Variants in YY1AP1 observed in about 807,000 individuals in gnomAD.
YY1AP1 encodes the protein YY1 associated protein 1, also known as YY1-associated protein 1.
Under a neutral mutation model 39.9 loss-of-function variants are expected in YY1AP1, and 43 were observed. That is an observed-to-expected ratio of 1.08 (90% CI 0.84 to 1.39). YY1AP1 has a LOEUF of 1.39. Among genes scored for constraint, YY1AP1 ranks in the 40% most tolerant of loss-of-function variants. The pLI, the probability that YY1AP1 is intolerant of heterozygous loss-of-function variation, is 0.00. For missense variants in YY1AP1, 813 were observed against 900.7 expected (o/e 0.90, Z 1.25); for synonymous variants, 292 against 331.3 (o/e 0.88, Z 1.29).
chr1:155,688,695 C>A lies in YY1AP1; in HGVS notation c.-188G>T. The A allele has an allele frequency of 6.6e-7, 1 of 1,525,750 alleles. No individual in the cohort carries two copies. The highest frequency in any genetic ancestry group is 1.2e-5 in the South Asian group (1 of 82,738). 94.5% of individuals were successfully genotyped at this position (1,525,750 alleles called of 1,614,324 possible). Reference sequence around the variant, plus strand: ...CGAGCCCAAGCCTTCTCCACCTCCTCTTCTCTCCTCCCCCTCCCTCCCCGC... The same window carrying A: ...CGAGCCCAAGCCTTCTCCACCTCCTATTCTCTCCTCCCCCTCCCTCCCCGC... On this transcript the variant is annotated 5_prime_UTR_variant, in exon 1 of 11. Coordinates refer to ENST00000355499, the MANE Select transcript of YY1AP1 (RefSeq NM_139119.3).
intron 4 of YY1AP1, 25 bp from the exon 5 acceptor site, chr1:155,676,771 T>C: frequency 6.2e-7 from 1 of 1,611,198 alleles, no homozygotes; most frequent in Non-Finnish European, 8.5e-7. Context: ...GATGACTGAA[T>C]TTGAGTGTTT....
In YY1AP1 at chr1:155,688,759, A is replaced by G; in HGVS notation, c.-252T>C. On this transcript the variant is annotated 5_prime_UTR_variant, in exon 1 of 11. Transcript: ENST00000355499. ...AACCGCCGCCAAAGCAGCCGCCGCC[A>G]GCACCCCCACCCTACACTCCTCGCG... 4.7e-6 allele frequency: 7 copies of G among 1,490,238 alleles called. No homozygotes were observed. Among genetic ancestry groups the G allele is most frequent in the Non-Finnish European group, 6.2e-6 (7 of 1,121,748 alleles). 92.3% of individuals were successfully genotyped at this position (1,490,238 alleles called of 1,614,324 possible).
chr1:155,668,418 G>C (rs1460997116), intron 9 of YY1AP1, among the ~76,000 whole-genome samples: 1 of 152,032 alleles, frequency 6.6e-6, no homozygotes, highest in African/African-American at 2.4e-5. Context: ...TGGATTTGTG[G>C]AATCTTTTAA....
intron 7 of YY1AP1, among the ~76,000 whole-genome samples, chr1:155,671,622 C>A (rs1649876446): frequency 6.6e-6 from 1 of 152,124 alleles, no homozygotes; most frequent in Non-Finnish European, 1.5e-5. Context: ...CTCCCTCTCT[C>A]AGCCTCTCAA....
chr1:155,665,784 C>CAAAAAAAAAA (rs58155011), intron 9 of YY1AP1, among the ~76,000 whole-genome samples: 1 of 35,046 alleles, frequency 2.9e-5, no homozygotes, highest in Non-Finnish European at 7.0e-5. Flanking sequence ...CTCTGTGTCT[C>CAAAAAAAAAA]AAAAAAAAAA....
chr1:155,688,319 T>TGGC, intron 1 of YY1AP1, 118 bp from the exon 2 acceptor site: 1 of 1,557,606 alleles, frequency 6.4e-7, no homozygotes, highest in Non-Finnish European at 8.7e-7. Flanking sequence ...GAACCCAAAA[T>TGGC]GGCGGCGGCA....
At chr1:155,661,589 G>C (rs572616366) in intron 9 of YY1AP1, among the ~76,000 whole-genome samples, 166 bp from the exon 10 acceptor site, 9 of 149,874 alleles carry the variant, frequency 6.0e-5, no homozygotes, top group African/African-American at 2.2e-4. Context: ...ACACATATAC[G>C]AATAGCATAT....
chr1:155,687,166 G>T (rs1190493817), intron 2 of YY1AP1, among the ~76,000 whole-genome samples: 1 of 152,104 alleles, frequency 6.6e-6, no homozygotes, highest in Non-Finnish European at 1.5e-5. Flanking sequence ...AACAAATAAG[G>T]CCACCCATTC....
At chr1:155,666,847 A>C (rs973617543) in intron 9 of YY1AP1, among the ~76,000 whole-genome samples, 1 of 152,154 alleles carries the variant, frequency 6.6e-6, no homozygotes, top group Non-Finnish European at 1.5e-5. Flanking sequence ...TAAAAATATA[A>C]AAATTAGCCA....
rs770751179 is a variant in YY1AP1, at chr1:155,680,396, A to C, written c.21+20T>G. 1.2e-6 allele frequency: 2 copies of C among 1,612,942 alleles called. No homozygotes were observed. Among genetic ancestry groups the C allele is most frequent in the Admixed American group, 3.3e-5 (2 of 59,974 alleles). On this transcript the variant is annotated intron_variant, in intron 3 of 10. Coordinates refer to ENST00000355499, the MANE Select transcript of YY1AP1 (RefSeq NM_139119.3). Reference sequence around the variant, plus strand: ...AACCAACTTACAATCCCATGTTCTCACTTGAGGATCATTACTCACAGTTTC... The same window carrying C: ...AACCAACTTACAATCCCATGTTCTCCCTTGAGGATCATTACTCACAGTTTC...
At chr1:155,683,001 G>A (rs1326699392) in intron 2 of YY1AP1, among the ~76,000 whole-genome samples, 3 of 149,788 alleles carry the variant, frequency 2.0e-5, no homozygotes, top group South Asian at 2.1e-4. Context: ...CAGGAGAATC[G>A]CTTGAACCCG....
chr1:155,665,302 G>T (rs1007050920), intron 9 of YY1AP1, among the ~76,000 whole-genome samples: 1 of 151,686 alleles, frequency 6.6e-6, no homozygotes, highest in Admixed American at 6.6e-5. Flanking sequence ...AAAGCTACTA[G>T]AATGTGTTCC....
intron 2 of YY1AP1, among the ~76,000 whole-genome samples, chr1:155,680,982 G>A (rs930596926): frequency 1.4e-4 from 22 of 151,856 alleles, no homozygotes; most frequent in African/African-American, 4.8e-4. Flanking sequence ...TAATCTCATT[G>A]AACTTAAATT....
At chr1:155,665,784 CAAAAAAAAAA>C in intron 9 of YY1AP1, among the ~76,000 whole-genome samples, 1 of 35,056 alleles carries the variant, frequency 2.9e-5, no homozygotes, top group East Asian at 8.0e-4. Flanking sequence ...CTCTGTGTCT[CAAAAAAAAAA>C]AAAAAAAAAA....
intron 6 of YY1AP1, among the ~76,000 whole-genome samples, chr1:155,673,603 A>G (rs1650175722): frequency 1.3e-5 from 2 of 151,974 alleles, no homozygotes; most frequent in Admixed American, 1.3e-4. Flanking sequence ...CTGGAGTGAT[A>G]TATAAGCACG....
At chr1:155,688,991 G>T (rs369751610), upstream of YY1AP1, 3,738 of 1,603,450 alleles carry the variant, frequency 2.3e-3, 8 homozygotes, top group Non-Finnish European at 3.0e-3. Flanking sequence ...CCGCGGCGAG[G>T]GGATCGAGGG....
intron 3 of YY1AP1, chr1:155,679,778 C>T: frequency 5.4e-6 from 7 of 1,303,552 alleles, no homozygotes; most frequent in Non-Finnish European, 6.9e-6. Context: ...ATTTCTTAAA[C>T]AGAAATATCT....
At chr1:155,664,189 A>G (rs1221906502) in intron 9 of YY1AP1, among the ~76,000 whole-genome samples, 1 of 152,046 alleles carries the variant, frequency 6.6e-6, no homozygotes. Flanking sequence ...TTAGAAGAAA[A>G]TGAAGTGAGG....
At chr1:155,684,122 C>T (rs1331018531) in intron 2 of YY1AP1, among the ~76,000 whole-genome samples, 1 of 152,144 alleles carries the variant, frequency 6.6e-6, no homozygotes, top group Non-Finnish European at 1.5e-5. Context: ...TTGGCACGCG[C>T]CTGTAATCCC....
Sources: allele counts gnomAD v4.1 joint callset (sites outside exome capture counted in the v4.1 genomes callset), GRCh38; gene constraint gnomAD v4.1.1; transcripts MANE v1.5; gene names NCBI Gene and HGNC (gene_info 2026-07-23, HGNC 2026-07-21).